The following PKN2 variants were observed in gnomAD, a reference collection of about 807,000 sequenced individuals.
The protein encoded by PKN2 is serine/threonine-protein kinase N2.
A neutral mutation model predicts 119.1 loss-of-function variants in PKN2; 38 were observed. That is an observed-to-expected ratio of 0.32 (90% CI 0.25 to 0.42). The LOEUF is 0.42. Among genes scored for constraint, PKN2 ranks in the 10% least tolerant of loss-of-function variants. The pLI is 1.00. For synonymous variants in PKN2, 390 were observed against 384.9 expected, an observed-to-expected ratio of 1.01 and a Z score of -0.15; for missense variants, 850 against 1,165.1, an observed-to-expected ratio of 0.73 and a Z score of 3.94.
intron 8 of PKN2, among the ~76,000 whole-genome samples, chr1:88,803,514 G>C (rs1671416611): frequency 6.6e-6 from 1 of 152,148 alleles, no homozygotes; most frequent in South Asian, 2.1e-4. Flanking sequence ...AGTACTTTAT[G>C]ATTAAAATGT....
At chr1:88,766,230 T>G (rs1669665281) in intron 3 of PKN2, among the ~76,000 whole-genome samples, 1 of 152,246 alleles carries the variant, frequency 6.6e-6, no homozygotes. Context: ...TCTGATTGAT[T>G]AATATTTGTG....
At chr1:88,729,014 C>T (rs1337839590) in intron 1 of PKN2, among the ~76,000 whole-genome samples, 1 of 151,842 alleles carries the variant, frequency 6.6e-6, no homozygotes, top group Non-Finnish European at 1.5e-5. Flanking sequence ...CCTGCCTCAG[C>T]CTCCTGAGTA....
intron 1 of PKN2, among the ~76,000 whole-genome samples, chr1:88,687,851 A>T (rs1319716318): frequency 1.3e-5 from 2 of 152,258 alleles, no homozygotes; most frequent in African/African-American, 4.8e-5. Context: ...AGATAATTGT[A>T]CTAGAAGATA....
chr1:88,759,550 C>G (rs925158802), intron 2 of PKN2, among the ~76,000 whole-genome samples: 1 of 152,080 alleles, frequency 6.6e-6, no homozygotes, highest in Admixed American at 6.6e-5. Context: ...TTGTTAAGTT[C>G]ATCATGGATG....
chr1:88,773,873 T>C (rs1379769561), intron 6 of PKN2, among the ~76,000 whole-genome samples: 1 of 152,128 alleles, frequency 6.6e-6, no homozygotes, highest in Non-Finnish European at 1.5e-5. Context: ...TTAAATTTAA[T>C]AGGTTTGTAG....
chr1:88,707,763 A>T (rs977479813), intron 1 of PKN2, among the ~76,000 whole-genome samples: 4 of 152,006 alleles, frequency 2.6e-5, no homozygotes, highest in African/African-American at 9.7e-5. Context: ...CTTATTTTCC[A>T]TTCTGGATCC....
intron 6 of PKN2, among the ~76,000 whole-genome samples, chr1:88,775,887 C>G (rs141534285): frequency 1.3e-5 from 2 of 151,848 alleles, no homozygotes; most frequent in Non-Finnish European, 2.9e-5. Context: ...GGGTGGATCA[C>G]GAGGTCAGAA....
intron 1 of PKN2, among the ~76,000 whole-genome samples, chr1:88,732,546 T>C (rs1668181334): frequency 6.6e-6 from 1 of 152,188 alleles, no homozygotes; most frequent in African/African-American, 2.4e-5. Context: ...TTCTCTTTTC[T>C]AAAGTTGGTT....
chr1:88,779,184 T>C (rs929288960), intron 6 of PKN2, among the ~76,000 whole-genome samples: 8 of 147,370 alleles, frequency 5.4e-5, no homozygotes, highest in Non-Finnish European at 1.1e-4. Flanking sequence ...CCCCAAGGTA[T>C]TGGGAGTGAA....
chr1:88,742,424 C>G (rs1668611740), intron 2 of PKN2, among the ~76,000 whole-genome samples: 1 of 152,058 alleles, frequency 6.6e-6, no homozygotes, highest in Non-Finnish European at 1.5e-5. Context: ...TTAGGAGGCT[C>G]TCTGTGTAGA....
At chr1:88,691,265 A>G (rs1366005788) in intron 1 of PKN2, among the ~76,000 whole-genome samples, 1 of 151,812 alleles carries the variant, frequency 6.6e-6, no homozygotes, top group African/African-American at 2.4e-5. Context: ...GGGTTTTGCC[A>G]TGTTGCCCGG....
At chr1:88,754,952 C>G (rs1184600936) in intron 2 of PKN2, among the ~76,000 whole-genome samples, 1 of 151,932 alleles carries the variant, frequency 6.6e-6, no homozygotes, top group Non-Finnish European at 1.5e-5. Flanking sequence ...TTATAATACC[C>G]CCGAAAATAC....
intron 8 of PKN2, among the ~76,000 whole-genome samples, chr1:88,796,143 G>T (rs1354714161): frequency 6.6e-6 from 1 of 152,156 alleles, no homozygotes; most frequent in Non-Finnish European, 1.5e-5. Context: ...GGGACCAGAA[G>T]TATTTTAGAT....
chr1:88,698,320 A>G (rs1203175337), intron 1 of PKN2, among the ~76,000 whole-genome samples: 15 of 152,178 alleles, frequency 9.9e-5, no homozygotes. Context: ...TGACCTTGAC[A>G]GAGATTCACT....
intron 7 of PKN2, among the ~76,000 whole-genome samples, 162 bp from the exon 8 acceptor site, chr1:88,785,942 A>T (rs778872428): frequency 5.3e-5 from 8 of 152,232 alleles, no homozygotes; most frequent in Non-Finnish European, 1.0e-4. Flanking sequence ...GAGTATATGT[A>T]TCTGTAAAAC....
rs1340024173 is a variant in PKN2 at position 88,741,245 on chromosome 1, A to G, written c.306A>G (p.Glu102=). 1.3e-6 allele frequency: 2 copies of G among 1,597,604 alleles called. No homozygotes were observed. ...KLEELHHKLQ[E]LNAHIVVSDP... ...AAGAACTACATCACAAGCTGCAGGA[A>G]TTAAATGCACATATTGTTGTATCAG... is the stretch of plus-strand genomic sequence containing the variant. The change falls in exon 2 of 22, where the codon GAA becomes GAG. Residue 102 remains glutamate, a synonymous_variant. Coordinates refer to ENST00000370521, the MANE Select transcript of PKN2 (RefSeq NM_006256.4).
intron 1 of PKN2, among the ~76,000 whole-genome samples, chr1:88,733,612 TCTCCCAGTCTATGA>T: frequency 1.3e-5 from 2 of 152,262 alleles, no homozygotes; most frequent in South Asian, 4.1e-4. Context: ...GTAAATGTGT[TCTCCCAGTCTATGA>T]CTGGCATCCT....
At chr1:88,787,775 T>C (rs546696094) in intron 8 of PKN2, among the ~76,000 whole-genome samples, 247 of 152,342 alleles carry the variant, frequency 1.6e-3, no homozygotes, top group African/African-American at 5.3e-3. Context: ...CTTTTAAAAT[T>C]TGGAAGACAT....
At chr1:88,755,462 T>G (rs1256967919) in intron 2 of PKN2, among the ~76,000 whole-genome samples, 1 of 152,226 alleles carries the variant, frequency 6.6e-6, no homozygotes, top group Non-Finnish European at 1.5e-5. Flanking sequence ...TGTACACTTT[T>G]GTGACCTTTG....
Sources: allele counts gnomAD v4.1 joint callset (sites outside exome capture counted in the v4.1 genomes callset), GRCh38; gene constraint gnomAD v4.1.1; transcripts MANE v1.5; gene names NCBI Gene and HGNC (gene_info 2026-07-23, HGNC 2026-07-21).